NTNG1: variants seen among roughly 807,000 people sequenced by gnomAD.
NTNG1 encodes the protein netrin-G1.
Under a neutral mutation model 54.0 loss-of-function variants are expected in NTNG1, and 16 were observed. The ratio of observed to expected loss-of-function variants is 0.30; its 90% confidence interval spans 0.20 to 0.45. The LOEUF is 0.45. Ranked by LOEUF, NTNG1 falls within the 20% of genes least tolerant of loss-of-function variation. The pLI is 1.00. For missense variants in NTNG1, 530 were observed against 678.7 expected (o/e 0.78, Z 2.43); for synonymous variants, 255 against 263.1 (o/e 0.97, Z 0.30).
intron 2 of NTNG1, among the ~76,000 whole-genome samples, chr1:107,245,928 T>C (rs1662166903): frequency 6.6e-6 from 1 of 152,240 alleles, no homozygotes; most frequent in Non-Finnish European, 1.5e-5. Context: ...AAATGATATG[T>C]ATCCTTGTAA....
At chr1:107,417,127 A>G (rs929196694) in intron 5 of NTNG1, among the ~76,000 whole-genome samples, 1 of 152,110 alleles carries the variant, frequency 6.6e-6, no homozygotes, top group Admixed American at 6.6e-5. Flanking sequence ...AGCAACATTC[A>G]GTCAATTGAC....
intron 2 of NTNG1, among the ~76,000 whole-genome samples, chr1:107,198,889 C>T (rs12127778): frequency 0.042 from 6,433 of 151,830 alleles, 138 homozygotes; most frequent in Non-Finnish European, 0.051. Context: ...AATGGAGCAA[C>T]GGGCTATATT....
At chr1:107,178,391 C>A (rs1237152098) in intron 2 of NTNG1, among the ~76,000 whole-genome samples, 7 of 152,046 alleles carry the variant, frequency 4.6e-5, no homozygotes, top group Non-Finnish European at 8.8e-5. Flanking sequence ...CCGTTTCTTG[C>A]ACTATTTGCC....
At chr1:107,214,803 C>A (rs58354552) in intron 2 of NTNG1, among the ~76,000 whole-genome samples, 11 of 149,150 alleles carry the variant, frequency 7.4e-5, no homozygotes, top group African/African-American at 1.7e-4. Context: ...TTTTTTTTTT[C>A]AATTTTCTGA....
At chr1:107,476,861 T>A (rs1678365798) in intron 7 of NTNG1, among the ~76,000 whole-genome samples, 1 of 152,226 alleles carries the variant, frequency 6.6e-6, no homozygotes, top group Non-Finnish European at 1.5e-5. Context: ...GCATCCATCA[T>A]TCCAGCCATA....
Position 107,148,505 on chromosome 1 carries a change from ATG to A in NTNG1, c.-85_-84del. On this transcript the variant is annotated 5_prime_UTR_variant, in exon 2 of 8. An upstream open reading frame in the 5' UTR loses its in-frame stop. Transcript: ENST00000370068. The stretch of plus-strand genomic sequence containing the variant: ...TACCTACCCGTACGCATACATACAT[ATG>A]TGTATATATATGTAAACTAGACAAA... 1 of 1,267,258 alleles carries A rather than the reference ATG, an allele frequency of 7.9e-7. No individual in the cohort carries two copies. The highest frequency in any genetic ancestry group is 1.1e-6 in the Non-Finnish European group (1 of 888,780). The allele number at this position is 1,267,258 out of a possible 1,614,324, so 78.5% of individuals were successfully genotyped here. A position where few individuals can be genotyped will look rare whatever the true frequency, so the allele number is the denominator to read the frequency against.
At chr1:107,358,030 C>T (rs550328710) in intron 3 of NTNG1, among the ~76,000 whole-genome samples, 4 of 152,024 alleles carry the variant, frequency 2.6e-5, no homozygotes, top group African/African-American at 7.2e-5. Flanking sequence ...TCATTCCATT[C>T]GAATACATGG....
intron 2 of NTNG1, among the ~76,000 whole-genome samples, chr1:107,262,320 T>C (rs2101656261): frequency 6.6e-6 from 1 of 152,164 alleles, no homozygotes; most frequent in Middle Eastern, 3.4e-3. Context: ...AATGGAGTCT[T>C]TTGTGGGTAA....
chr1:107,285,713 G>T (rs751832607), intron 2 of NTNG1, among the ~76,000 whole-genome samples: 2 of 152,042 alleles, frequency 1.3e-5, no homozygotes, highest in African/African-American at 2.4e-5. Context: ...ACAATGAGAG[G>T]TTTATGATCA....
Position 107,484,388 on chromosome 1 carries a change from G to T in NTNG1, c.*3548G>T, listed in dbSNP as rs1456294754. Among the ~76,000 whole-genome samples, 1 of 152,228 alleles carries T rather than the reference G, an allele frequency of 6.6e-6. No individual in the cohort carries two copies. The highest frequency in any genetic ancestry group is 2.4e-5 in the African/African-American group (1 of 41,460). ...CTTCCAAGGGTTATGAAAGCATCAT[G>T]TGTCAAAGTGGCAGGATGGAAGATA... On this transcript the variant is annotated 3_prime_UTR_variant, in exon 8 of 8. Transcript: ENST00000370068.
At chr1:107,347,425 C>T (rs528049981) in intron 3 of NTNG1, among the ~76,000 whole-genome samples, 27 of 152,112 alleles carry the variant, frequency 1.8e-4, no homozygotes, top group Admixed American at 4.6e-4. Context: ...TGAGGCAGGA[C>T]GATCTTTTGA....
intron 7 of NTNG1, among the ~76,000 whole-genome samples, chr1:107,474,358 T>G (rs1328695560): frequency 6.6e-6 from 1 of 152,210 alleles, no homozygotes; most frequent in Admixed American, 6.5e-5. Flanking sequence ...AGATGCCTGT[T>G]GGGTAGAAAT....
chr1:107,263,594 A>C (rs930420103), intron 2 of NTNG1, among the ~76,000 whole-genome samples: 2 of 152,284 alleles, frequency 1.3e-5, no homozygotes, highest in South Asian at 2.1e-4. Flanking sequence ...AGCTCTTTTC[A>C]TCTATGCTAA....
chr1:107,151,701 G>A (rs1456386690), intron 2 of NTNG1, among the ~76,000 whole-genome samples: 2 of 152,076 alleles, frequency 1.3e-5, no homozygotes, highest in Non-Finnish European at 1.5e-5. Flanking sequence ...TTAAGAGTCC[G>A]TGTTGCTGCT....
chr1:107,480,981 T>A lies in NTNG1; in HGVS notation c.*141T>A. The A allele has an allele frequency of 7.9e-5, 47 of 595,226 alleles. No individual in the cohort carries two copies. Among genetic ancestry groups the A allele is most frequent in the Non-Finnish European group, 1.3e-4 (43 of 334,294 alleles). 36.9% of individuals were successfully genotyped at this position (595,226 alleles called of 1,614,324 possible). On this transcript the variant is annotated 3_prime_UTR_variant, in exon 8 of 8. Coordinates refer to ENST00000370068, the MANE Select transcript of NTNG1 (RefSeq NM_001113226.3). The stretch of plus-strand genomic sequence containing the variant: ...ACAAACTAAGAAGGCCTAACTGAAC[T>A]AAGCCATATTTATCACCCGTGGACA...
At chr1:107,406,220 A>T (rs1035829299) in intron 4 of NTNG1, among the ~76,000 whole-genome samples, 1 of 152,172 alleles carries the variant, frequency 6.6e-6, no homozygotes, top group Admixed American at 6.6e-5. Context: ...GGTTTTAAAG[A>T]ATACAAAGCT....
At chr1:107,278,493 T>A (rs1323261461) in intron 2 of NTNG1, among the ~76,000 whole-genome samples, 2 of 152,222 alleles carry the variant, frequency 1.3e-5, no homozygotes, top group Admixed American at 6.5e-5. Flanking sequence ...TTATTACTTT[T>A]TAAAAATCAG....
chr1:107,180,537 A>G (rs1656987689), intron 2 of NTNG1, among the ~76,000 whole-genome samples: 1 of 152,198 alleles, frequency 6.6e-6, no homozygotes, highest in African/African-American at 2.4e-5. Flanking sequence ...GATTTGCTAA[A>G]CTGGTTTATG....
rs78329045 is a variant in NTNG1 at position 107,257,329 on chromosome 1, A to T, written c.247-66953A>T. ...GACTGTAGAACAGCTAGATCTAGAG[A>T]AATATTTGAGAAAAGTAGGCCTTTT... On this transcript the variant is annotated intron_variant, in intron 2 of 7. Coordinates refer to ENST00000370068, the MANE Select transcript of NTNG1 (RefSeq NM_001113226.3). 2.3e-3 allele frequency among the ~76,000 whole-genome samples: 344 copies of T among 152,314 alleles called. 1 individual carries two copies. Among genetic ancestry groups the T allele is most frequent in the Non-Finnish European group, 2.0e-3 (135 of 68,032 alleles).
Sources: gnomAD v4.1 joint callset for allele counts (sites outside exome capture counted in the v4.1 genomes callset) on GRCh38, gnomAD v4.1.1 for gene constraint, MANE v1.5 for transcripts, NCBI Gene and HGNC (gene_info 2026-07-23, HGNC 2026-07-21) for gene names.